Variants in AP2A2 observed in about 807,000 individuals in gnomAD.
AP2A2 encodes AP-2 complex subunit alpha-2.
AP2A2 carries 32 observed loss-of-function variants against 104.2 expected under a neutral mutation model. The ratio of observed to expected loss-of-function variants is 0.31; its 90% CI spans 0.23 to 0.41. AP2A2 has a LOEUF of 0.41. Ranked by LOEUF, AP2A2 falls within the 10% of genes least tolerant of loss-of-function variation. The pLI is 1.00. For synonymous variants in AP2A2, 539 were observed against 533.3 expected (o/e 1.01, Z -0.15); for missense variants, 912 against 1,261.0 (o/e 0.72, Z 4.19).
At chr11:934,975 C>T (rs557762397) in intron 1 of AP2A2, among the ~76,000 whole-genome samples, 31 of 152,064 alleles carry the variant, frequency 2.0e-4, no homozygotes, top group Admixed American at 1.8e-3. Context: ...TCTCCTGCCT[C>T]AGCCTCCGGA....
chr11:966,776 A>C (rs958606844), intron 2 of AP2A2, among the ~76,000 whole-genome samples: 4 of 152,122 alleles, frequency 2.6e-5, no homozygotes, highest in African/African-American at 9.7e-5. Flanking sequence ...CAGTCAGGGC[A>C]CTGTCCCTTT....
At chr11:966,047 A>G (rs1267754252) in intron 2 of AP2A2, among the ~76,000 whole-genome samples, 4 of 152,172 alleles carry the variant, frequency 2.6e-5, no homozygotes, top group Non-Finnish European at 5.9e-5. Flanking sequence ...TGTGTTTCCT[A>G]GGCTGATCAC....
At chr11:999,205 C>G (rs1322288849) in intron 14 of AP2A2, among the ~76,000 whole-genome samples, 2 of 152,180 alleles carry the variant, frequency 1.3e-5, no homozygotes, top group African/African-American at 4.8e-5. Context: ...ATCATAGGCG[C>G]TCTTTCCTTG....
At chr11:944,218 G>T (rs767137029) in intron 1 of AP2A2, among the ~76,000 whole-genome samples, 1 of 152,184 alleles carries the variant, frequency 6.6e-6, no homozygotes, top group South Asian at 2.1e-4. Flanking sequence ...TGATCCCGTC[G>T]CTCAGGAAAT....
At chr11:954,706 G>A (rs1433747375) in intron 1 of AP2A2, among the ~76,000 whole-genome samples, 1 of 147,792 alleles carries the variant, frequency 6.8e-6, no homozygotes, top group Non-Finnish European at 1.5e-5. Context: ...TTGTAAATGT[G>A]TGCATGTGTG....
chr11:970,357 G>A, intron 3 of AP2A2, 46 bp downstream of exon 3: 1 of 1,599,422 alleles, frequency 6.3e-7, no homozygotes, highest in Non-Finnish European at 8.5e-7. Flanking sequence ...GCGTGGGCCT[G>A]GCAGGACTGA....
chr11:944,887 G>A (rs1408134158), intron 1 of AP2A2, among the ~76,000 whole-genome samples: 1 of 133,296 alleles, frequency 7.5e-6, no homozygotes, highest in African/African-American at 2.7e-5. Flanking sequence ...TAGGTTGGGG[G>A]GAATGAAGGT....
chr11:1,003,101 A>G (rs1043250450), intron 15 of AP2A2, among the ~76,000 whole-genome samples: 1 of 152,198 alleles, frequency 6.6e-6, no homozygotes, highest in Non-Finnish European at 1.5e-5. Flanking sequence ...ATGAAAGCTA[A>G]CCAACGCTAT....
At position 968,973 on chromosome 11, in the gene AP2A2, A is replaced by G. The variant is rs1854720140; in HGVS notation, c.137-1196A>G. On this transcript the variant is annotated intron_variant, in intron 2 of 21. Coordinates refer to ENST00000448903, the MANE Select transcript of AP2A2 (RefSeq NM_012305.4). The surrounding 1 kb of genome is among the most constrained non-coding windows in gnomAD (Gnocchi z 4.2). The stretch of plus-strand genomic sequence containing the variant: ...AATGTGGCCGGTCTGTATTCTACAC[A>G]GTTGAGGTCGTCCGTGGAGGTGTGA... Among the ~76,000 whole-genome samples the G allele has an allele frequency of 6.6e-6, 1 of 152,062 alleles. No individual in the cohort carries two copies. The highest frequency in any genetic ancestry group is 1.9e-4 in the East Asian group (1 of 5,178).
chr11:936,057 A>G (rs748400184), intron 1 of AP2A2, among the ~76,000 whole-genome samples: 1 of 140,354 alleles, frequency 7.1e-6, no homozygotes, highest in Admixed American at 7.3e-5. Flanking sequence ...GCCCACCACC[A>G]CGCCTGCCTA....
chr11:998,042 A>C (rs1475629954), intron 14 of AP2A2, among the ~76,000 whole-genome samples: 1 of 152,268 alleles, frequency 6.6e-6, no homozygotes, highest in East Asian at 1.9e-4. Flanking sequence ...GCCAAGGCCG[A>C]TGGCTTCCCA....
Position 986,857 on chromosome 11 carries a change from C to A in AP2A2, c.1035C>A (p.Arg345=). The A allele has an allele frequency of 1.9e-6, 3 of 1,612,108 alleles. No individual in the cohort carries two copies. The highest frequency in any genetic ancestry group is 2.5e-6 in the Non-Finnish European group (3 of 1,179,338). Residue 345 remains arginine (R), a synonymous_variant, in exon 9 of 22, where the codon CGC becomes CGA. Coordinates refer to ENST00000448903, the MANE Select transcript of AP2A2 (RefSeq NM_012305.4). ...QFLQHRETNL[R]YLALESMCTL... ...TGCAGCACCGCGAGACCAACCTGCG[C>A]TACCTGGCCCTGGAGAGCATGTGCA...
At chr11:940,636 T>C (rs763166841) in intron 1 of AP2A2, 29 of 353,968 alleles carry the variant, frequency 8.2e-5, no homozygotes, top group Non-Finnish European at 1.6e-4. Context: ...TAAAGGTGTT[T>C]CCTTTGGCGT....
At chr11:926,163 GC>G in intron 1 of AP2A2, 75 bp downstream of exon 1, 1 of 1,064,794 alleles carries the variant, frequency 9.4e-7, no homozygotes, top group African/African-American at 1.7e-5. Flanking sequence ...GAGGCCCGGG[GC>G]GGGGCCTCGA....
intron 2 of AP2A2, among the ~76,000 whole-genome samples, chr11:960,652 A>C (rs557432408): frequency 6.6e-6 from 1 of 152,238 alleles, no homozygotes; most frequent in South Asian, 2.1e-4. Flanking sequence ...TGCTGGGATT[A>C]CAGGCGTGAG....
At chr11:995,589 A>G (rs542315435) in intron 14 of AP2A2, among the ~76,000 whole-genome samples, 2 of 151,510 alleles carry the variant, frequency 1.3e-5, no homozygotes, top group Non-Finnish European at 2.9e-5. Flanking sequence ...GAGGGTGCTC[A>G]TGTCGGAGTC....
chr11:938,623 C>T (rs1180869931), intron 1 of AP2A2, among the ~76,000 whole-genome samples: 3 of 151,814 alleles, frequency 2.0e-5, no homozygotes, highest in Admixed American at 2.0e-4. Flanking sequence ...TACAGGTGCC[C>T]GCCACCACGC....
chr11:961,696 C>T (rs1211603936), intron 2 of AP2A2, among the ~76,000 whole-genome samples: 6 of 128,850 alleles, frequency 4.7e-5, no homozygotes, highest in Admixed American at 1.6e-4. Context: ...TCGCCGCCAC[C>T]AGTGAAAAGT....
In AP2A2 at chr11:985,467, C is replaced by G. The variant is rs370313860; in HGVS notation, c.847C>G (p.Leu283Val). 5.6e-6 allele frequency: 9 copies of G among 1,613,988 alleles called. No homozygotes were observed. The highest frequency in any genetic ancestry group is 7.6e-6 in the Non-Finnish European group (9 of 1,179,892). The stretch of plus-strand genomic sequence containing the variant: ...AGTGCGAGGCCGCCTGACTGAGTGC[C>G]TGGAGACCATCCTGAACAAAGCCCA... ...PAVRGRLTEC[L>V]ETILNKAQEP... is the part of the protein sequence containing the mutation. The change falls in exon 8 of 22, where the codon CTG (leucine) becomes GTG (valine). Residue 283 changes from leucine (L) to valine (V), a missense_variant. Leu to Val is a conservative substitution (Grantham distance 32). Around this residue, in one of 7 missense-constraint regions of AP2A2, gnomAD observed 350 missense variants for 487.0 expected, o/e 0.72. Coordinates refer to ENST00000448903, the MANE Select transcript of AP2A2 (RefSeq NM_012305.4).
Sources: allele counts gnomAD v4.1 joint callset (sites outside exome capture counted in the v4.1 genomes callset), GRCh38; gene constraint gnomAD v4.1.1; regional missense constraint gnomAD v4.1.1; non-coding constraint Gnocchi (gnomAD v3.1); transcripts MANE v1.5; gene names NCBI Gene and HGNC (gene_info 2026-07-23, HGNC 2026-07-21).